HERC2: variants seen among roughly 807,000 people sequenced by gnomAD.
HERC2 encodes the protein HECT and RLD domain containing E3 ubiquitin protein ligase 2.
A neutral mutation model predicts 537.7 loss-of-function variants in HERC2; 102 were observed. That is an observed-to-expected ratio of 0.19 (90% CI 0.16 to 0.22). HERC2 has a LOEUF of 0.22. Among genes scored for constraint, HERC2 ranks in the 10% least tolerant of loss-of-function variants. HERC2 has a pLI of 1.00. For synonymous variants in HERC2, 2,224 were observed against 2,466.2 expected (o/e 0.90, Z 2.91); for missense variants, 4,236 against 6,198.2 (o/e 0.68, Z 10.63).
chr15:28,307,121 C>T (rs573821773), intron 2 of HERC2, among the ~76,000 whole-genome samples: 2 of 152,362 alleles, frequency 1.3e-5, no homozygotes, highest in South Asian at 4.1e-4. Flanking sequence ...AGGCATGAGC[C>T]ACCACGCCCG....
chr15:28,111,682 C>T lies in HERC2; in HGVS notation c.*81G>A. The T allele has an allele frequency of 6.8e-7, 1 of 1,475,738 alleles. No individual in the cohort carries two copies. Among genetic ancestry groups the T allele is most frequent in the Non-Finnish European group, 9.3e-7 (1 of 1,076,236 alleles). 91.4% of individuals were successfully genotyped at this position (1,475,738 alleles called of 1,614,324 possible). A position where few individuals can be genotyped will look rare whatever the true frequency, so the allele number is the denominator to read the frequency against. On this transcript the variant is annotated 3_prime_UTR_variant, in exon 93 of 93. Coordinates refer to ENST00000261609, the MANE Select transcript of HERC2 (RefSeq NM_004667.6). ...GGACGGACGCTTCTCATCAGACACA[C>T]CAGGCAGCCTACAGTCTACACAGCA...
chr15:28,197,409 C>T (rs1006219535), intron 50 of HERC2, among the ~76,000 whole-genome samples: 4 of 152,148 alleles, frequency 2.6e-5, no homozygotes, highest in African/African-American at 7.2e-5. Flanking sequence ...GTTCCTAATT[C>T]CCATCATTAG....
At chr15:28,273,886 C>T (rs1350050291) in intron 7 of HERC2, among the ~76,000 whole-genome samples, 1 of 152,170 alleles carries the variant, frequency 6.6e-6, no homozygotes, top group African/African-American at 2.4e-5. Flanking sequence ...AGATCAGCTA[C>T]AGGACTAAAG....
At chr15:28,213,677 G>A (rs1899525043) in intron 42 of HERC2, 65 bp downstream of exon 42, 1 of 1,610,312 alleles carries the variant, frequency 6.2e-7, no homozygotes, top group South Asian at 1.1e-5. Flanking sequence ...GCTGATGCTG[G>A]TGCTCGGTTC....
chr15:28,245,969 G>A lies in HERC2; in HGVS notation c.3489C>T (p.Gly1163=). The A allele has an allele frequency of 6.2e-7, 1 of 1,613,984 alleles. No homozygotes were observed. The highest frequency in any genetic ancestry group is 8.5e-7 in the Non-Finnish European group (1 of 1,179,924). ...QEAGAVPLLG[G]LLEHLDRFNH... ...TGAACCGATCCAGATGTTCCAACAG[G>A]CCACCCAGCAGAGGTACAGCTCCAG... The change falls in exon 23 of 93, where the codon GGC becomes GGT. Residue 1163 remains glycine (G), a synonymous_variant. Transcript: ENST00000261609.
At chr15:28,256,405 C>G (rs112372165) in intron 17 of HERC2, 88 bp from the exon 18 acceptor site, 5 of 888,028 alleles carry the variant, frequency 5.6e-6, no homozygotes, top group African/African-American at 1.7e-5. Context: ...AAGTCAATTT[C>G]AAGTATTATT....
chr15:28,160,134 T>TCTG (rs1183513961), intron 69 of HERC2, among the ~76,000 whole-genome samples: 1 of 152,216 alleles, frequency 6.6e-6, no homozygotes, highest in Non-Finnish European at 1.5e-5. Flanking sequence ...GAGGTGTCAG[T>TCTG]CTGCTCCTAC....
chr15:28,309,997 T>A (rs2076896030), intron 2 of HERC2, among the ~76,000 whole-genome samples: 1 of 152,012 alleles, frequency 6.6e-6, no homozygotes, highest in Non-Finnish European at 1.5e-5. Context: ...GGGGGAGAGG[T>A]AAACTCCTTC....
intron 4 of HERC2, among the ~76,000 whole-genome samples, chr15:28,287,242 A>T (rs144441666): frequency 6.6e-6 from 1 of 152,348 alleles, no homozygotes; most frequent in Admixed American, 6.5e-5. Flanking sequence ...ACAGAAAAAG[A>T]AATGAAAGGA....
intron 34 of HERC2, among the ~76,000 whole-genome samples, chr15:28,228,793 T>C (rs1301255764): frequency 6.6e-6 from 1 of 152,250 alleles, no homozygotes; most frequent in Non-Finnish European, 1.5e-5. Context: ...ACTTAGCATG[T>C]TGCTCTCTGA....
chr15:28,228,983 G>T (rs994553194), intron 34 of HERC2, among the ~76,000 whole-genome samples: 2 of 152,186 alleles, frequency 1.3e-5, no homozygotes, highest in African/African-American at 4.8e-5. Flanking sequence ...ATGTAAAAAT[G>T]TTATACTAGA....
intron 68 of HERC2, among the ~76,000 whole-genome samples, chr15:28,165,342 T>C (rs539691090): frequency 2.6e-5 from 4 of 152,270 alleles, no homozygotes; most frequent in South Asian, 2.1e-4. Context: ...TGTAAGTAAA[T>C]AGCCTGCTGA....
chr15:28,192,706 C>T (rs904635778), intron 52 of HERC2, among the ~76,000 whole-genome samples: 2 of 152,178 alleles, frequency 1.3e-5, no homozygotes, highest in Admixed American at 6.5e-5. Flanking sequence ...ATGACGCACA[C>T]CACGGATCAG....
Position 28,130,521 on chromosome 15 carries a change from G to T in HERC2, c.12644C>A (p.Ser4215Tyr). The change falls in exon 82 of 93, where the codon TCT (serine) becomes TAT (tyrosine). Residue 4215 changes from serine to tyrosine, a missense_variant. Physicochemically the swap from Ser to Tyr is moderately radical, Grantham distance 144. Around this residue, in one of 27 missense-constraint regions of HERC2, gnomAD observed 38 missense variants for 36.7 expected, o/e 1.04. Coordinates refer to ENST00000261609, the MANE Select transcript of HERC2 (RefSeq NM_004667.6). Reference sequence around the variant, plus strand: ...TGCGTACCAGGTATAAACAGCTCCAGATTTGGTAAGGGCAACAGAAAACTG... The same window carrying T: ...TGCGTACCAGGTATAAACAGCTCCATATTTGGTAAGGGCAACAGAAAACTG... ...GSQFSVALTK[S>Y]GAVYTWGKGD... The T allele has an allele frequency of 6.2e-7, 1 of 1,613,942 alleles. No individual in the cohort carries two copies.
intron 79 of HERC2, among the ~76,000 whole-genome samples, chr15:28,133,038 C>G (rs2142172171): frequency 6.6e-6 from 1 of 151,982 alleles, no homozygotes; most frequent in East Asian, 1.9e-4. Flanking sequence ...AGCTCTGACT[C>G]AGAGGCTGGA....
At chr15:28,189,425 C>T (rs1247444687) in intron 55 of HERC2, among the ~76,000 whole-genome samples, 1 of 152,186 alleles carries the variant, frequency 6.6e-6, no homozygotes, top group East Asian at 1.9e-4. Flanking sequence ...ACTCTACAGG[C>T]TGTATTCGGT....
At chr15:28,196,161 A>G (rs976532729) in intron 52 of HERC2, 54 bp downstream of exon 52, 14 of 1,344,586 alleles carry the variant, frequency 1.0e-5, no homozygotes, top group Middle Eastern at 2.7e-4. Flanking sequence ...GTGGTCCACA[A>G]TAAGTATTTC....
At chr15:28,187,433 G>A (rs1455262665) in intron 55 of HERC2, among the ~76,000 whole-genome samples, 1 of 151,870 alleles carries the variant, frequency 6.6e-6, no homozygotes, top group Non-Finnish European at 1.5e-5. Flanking sequence ...CCGGGTTCAA[G>A]CGATTCTCCA....
intron 56 of HERC2, among the ~76,000 whole-genome samples, chr15:28,184,222 T>C (rs780056762): frequency 1.3e-5 from 2 of 152,024 alleles, no homozygotes; most frequent in Non-Finnish European, 2.9e-5. Flanking sequence ...TACACACATA[T>C]ATATACACAC....
Sources: allele counts gnomAD v4.1 joint callset (sites outside exome capture counted in the v4.1 genomes callset), GRCh38; gene constraint gnomAD v4.1.1; regional missense constraint gnomAD v4.1.1; transcripts MANE v1.5; gene names NCBI Gene and HGNC (gene_info 2026-07-23, HGNC 2026-07-21).